TMEM108: variants seen among roughly 807,000 people sequenced by gnomAD.
TMEM108 encodes transmembrane protein 108, also known as cancer/testis antigen 124.
A neutral mutation model predicts 35.1 loss-of-function variants in TMEM108; 12 were observed. The ratio of observed to expected loss-of-function variants is 0.34; its 90% CI spans 0.22 to 0.55. TMEM108 has a LOEUF of 0.55. Ranked by LOEUF, TMEM108 falls within the 20% of genes least tolerant of loss-of-function variation. The pLI is 0.89. For missense variants in TMEM108, 680 were observed against 753.3 expected (o/e 0.90, Z 1.14); for synonymous variants, 287 against 308.6 (o/e 0.93, Z 0.73).
intron 3 of TMEM108, among the ~76,000 whole-genome samples, chr3:133,237,341 A>G (rs897953882): frequency 1.3e-5 from 2 of 151,552 alleles, no homozygotes; most frequent in Non-Finnish European, 3.0e-5. Context: ...AACTTAACAC[A>G]TGAATCCATT....
At chr3:133,354,157 T>G (rs937882257) in intron 3 of TMEM108, among the ~76,000 whole-genome samples, 3 of 152,246 alleles carry the variant, frequency 2.0e-5, no homozygotes, top group Non-Finnish European at 2.9e-5. Context: ...TGTCTGTGCC[T>G]GTTCTGTTAT....
intron 2 of TMEM108, among the ~76,000 whole-genome samples, chr3:133,070,344 C>A (rs1471966043): frequency 1.3e-5 from 2 of 152,134 alleles, no homozygotes; most frequent in Non-Finnish European, 2.9e-5. Context: ...TACAAAATGG[C>A]TTTACCAAGT....
intron 2 of TMEM108, among the ~76,000 whole-genome samples, chr3:133,173,517 T>C (rs978988245): frequency 1.3e-5 from 2 of 152,256 alleles, no homozygotes; most frequent in African/African-American, 4.8e-5. Context: ...TTAAATTTCT[T>C]CTTCAACTTT....
chr3:133,067,328 T>C (rs1020011695), intron 2 of TMEM108, among the ~76,000 whole-genome samples: 2 of 152,162 alleles, frequency 1.3e-5, no homozygotes, highest in Admixed American at 1.3e-4. Context: ...ATCTGGTAGG[T>C]ATTTGATGCA....
At chr3:133,144,810 GTTGT>G (rs1431676296) in intron 2 of TMEM108, among the ~76,000 whole-genome samples, 2 of 152,144 alleles carry the variant, frequency 1.3e-5, no homozygotes, top group Admixed American at 1.3e-4. Context: ...TTTTGATGGG[GTTGT>G]TTGTTTTTTT....
At chr3:133,038,929 G>T (rs1576285999) in intron 1 of TMEM108, among the ~76,000 whole-genome samples, 1 of 152,260 alleles carries the variant, frequency 6.6e-6, no homozygotes, top group East Asian at 1.9e-4. Flanking sequence ...GCAGCTGTGC[G>T]AAGAGCCCTC....
At position 133,155,616 on chromosome 3, in the gene TMEM108, G is replaced by A. The variant is rs943723112; in HGVS notation, c.-46-73650G>A. On this transcript the variant is annotated intron_variant, in intron 2 of 5. Transcript: ENST00000321871. ...TTTCTCTAATGATCAGTGATATTGA[G>A]CATTTCTTCATATGCTTTTTGGCCA... Among the ~76,000 whole-genome samples the A allele has an allele frequency of 3.9e-4, 60 of 152,214 alleles. 1 individual carries two copies. Among genetic ancestry groups the A allele is most frequent in the South Asian group, 1.0e-3 (5 of 4,812 alleles).
chr3:133,385,121 G>A (rs1343281044), intron 4 of TMEM108, among the ~76,000 whole-genome samples: 1 of 152,182 alleles, frequency 6.6e-6, no homozygotes, highest in Non-Finnish European at 1.5e-5. Flanking sequence ...TCACTCACAG[G>A]CCCTGAATGA....
At chr3:133,351,529 T>C (rs1321197239) in intron 3 of TMEM108, among the ~76,000 whole-genome samples, 1 of 152,132 alleles carries the variant, frequency 6.6e-6, no homozygotes, top group Non-Finnish European at 1.5e-5. Context: ...TCTCACTTGC[T>C]ACATTGCTCT....
chr3:133,367,361 G>A (rs1044539665), intron 3 of TMEM108, among the ~76,000 whole-genome samples: 1 of 152,258 alleles, frequency 6.6e-6, no homozygotes, highest in Non-Finnish European at 1.5e-5. Context: ...GTGGTAGATA[G>A]TGGAGGAGGG....
chr3:133,087,740 G>A (rs1046861269), intron 2 of TMEM108, among the ~76,000 whole-genome samples: 9 of 152,254 alleles, frequency 5.9e-5, no homozygotes, highest in African/African-American at 2.2e-4. Context: ...TGAGAACAAG[G>A]ACTGTGGCCA....
At chr3:133,215,574 T>G (rs1293450775) in intron 2 of TMEM108, among the ~76,000 whole-genome samples, 2 of 152,288 alleles carry the variant, frequency 1.3e-5, no homozygotes, top group East Asian at 3.9e-4. Flanking sequence ...AAAGAAATTT[T>G]AGGGATATTA....
At chr3:133,313,117 C>G (rs2071154316) in intron 3 of TMEM108, among the ~76,000 whole-genome samples, 1 of 152,050 alleles carries the variant, frequency 6.6e-6, no homozygotes, top group Admixed American at 6.6e-5. Context: ...GTTTGTCTAG[C>G]CTTTCTTTGC....
chr3:133,123,057 T>C (rs76501114), intron 2 of TMEM108, among the ~76,000 whole-genome samples: 4,675 of 152,254 alleles, frequency 0.031, 129 homozygotes, highest in South Asian at 0.065. Flanking sequence ...TAAATACCTA[T>C]ATACATGTAA....
intron 2 of TMEM108, among the ~76,000 whole-genome samples, chr3:133,204,370 C>T (rs1945719300): frequency 6.6e-6 from 1 of 151,910 alleles, no homozygotes; most frequent in South Asian, 2.1e-4. Context: ...TGTTGCTTCT[C>T]TAGTTCTTTT....
rs146298426 is a variant in TMEM108, at chr3:133,249,944, G to A, written c.40+20593G>A. Among the ~76,000 whole-genome samples, 655 of 152,210 alleles carry A rather than the reference G, an allele frequency of 4.3e-3. 2 individuals are homozygous for A. The highest frequency in any genetic ancestry group is 0.015 in the African/African-American group (607 of 41,532). ...TTTCAGTTTATGAAAATCATTATAT[G>A]TTTTTAATTTTTTTAAGAGAAAGGG... is the stretch of plus-strand genomic sequence containing the variant. On this transcript the variant is annotated intron_variant, in intron 3 of 5. Transcript: ENST00000321871.
At chr3:133,068,275 A>G (rs1351243574) in intron 2 of TMEM108, among the ~76,000 whole-genome samples, 1 of 152,166 alleles carries the variant, frequency 6.6e-6, no homozygotes, top group African/African-American at 2.4e-5. Flanking sequence ...TAGCTGAGAC[A>G]TGACCAATGG....
chr3:133,146,881 G>T (rs1189963106), intron 2 of TMEM108, among the ~76,000 whole-genome samples: 2 of 151,668 alleles, frequency 1.3e-5, no homozygotes, highest in Non-Finnish European at 2.9e-5. Context: ...CTGGCTAGTG[G>T]TCTATTTTAT....
intron 3 of TMEM108, among the ~76,000 whole-genome samples, chr3:133,279,545 C>G (rs893921317): frequency 6.6e-6 from 1 of 152,138 alleles, no homozygotes; most frequent in South Asian, 2.1e-4. Flanking sequence ...TGAATTTGCT[C>G]TACTTCGGGC....
Sources: gnomAD v4.1 joint callset for allele counts (sites outside exome capture counted in the v4.1 genomes callset) on GRCh38, gnomAD v4.1.1 for gene constraint, MANE v1.5 for transcripts, NCBI Gene and HGNC (gene_info 2026-07-23, HGNC 2026-07-21) for gene names.